The following CMPK2 variants were observed in gnomAD, a reference collection of about 807,000 sequenced individuals.
CMPK2 encodes the protein UMP-CMP kinase 2, mitochondrial.
CMPK2 carries 32 observed loss-of-function variants against 33.4 expected under a neutral mutation model. The ratio of observed to expected loss-of-function variants is 0.96; its 90% CI spans 0.72 to 1.29. CMPK2 has a LOEUF of 1.29. Ranked by LOEUF, CMPK2 falls within the 50% of genes most tolerant of loss-of-function variation. CMPK2 has a pLI of 0.00. For synonymous variants in CMPK2, 299 were observed against 275.3 expected, an observed-to-expected ratio of 1.09 and a Z score of -0.85; for missense variants, 672 against 616.0, an observed-to-expected ratio of 1.09 and a Z score of -0.96.
intron 3 of CMPK2, among the ~76,000 whole-genome samples, chr2:6,841,106 A>AC (rs1662221196): frequency 1.3e-5 from 2 of 151,940 alleles, no homozygotes; most frequent in South Asian, 4.2e-4. Flanking sequence ...TGCTTTTGAG[A>AC]CCCCTTGGGT....
At chr2:6,859,870 C>G (rs1433718460) in intron 3 of CMPK2, among the ~76,000 whole-genome samples, 1 of 152,200 alleles carries the variant, frequency 6.6e-6, no homozygotes, top group Non-Finnish European at 1.5e-5. Flanking sequence ...GGTAGATCCA[C>G]TGACAGCTTG....
chr2:6,852,570 G>A (rs1018117079), intron 3 of CMPK2, among the ~76,000 whole-genome samples: 4 of 152,052 alleles, frequency 2.6e-5, no homozygotes, highest in South Asian at 2.1e-4. Context: ...CCCTTTCTAC[G>A]TGACTCTACT....
At chr2:6,846,887 T>C (rs1032767675), downstream of CMPK2, among the ~76,000 whole-genome samples, 3 of 152,226 alleles carry the variant, frequency 2.0e-5, no homozygotes, top group African/African-American at 7.2e-5. Context: ...TGCACCAAAA[T>C]GTGTTGTAAT....
At chr2:6,857,017 T>C (rs1001039768) in intron 3 of CMPK2, among the ~76,000 whole-genome samples, 6 of 152,262 alleles carry the variant, frequency 3.9e-5, no homozygotes, top group Non-Finnish European at 4.4e-5. Flanking sequence ...CTTTGCTACA[T>C]CTTTTCAAAC....
chr2:6,845,557 T>G (rs901046953), downstream of CMPK2, among the ~76,000 whole-genome samples: 15 of 152,300 alleles, frequency 9.8e-5, no homozygotes, highest in Non-Finnish European at 2.2e-4. Flanking sequence ...GAGGAGCCAG[T>G]AGGGCAGGAC....
chr2:6,864,737 G>A (rs1171587495), intron 1 of CMPK2, among the ~76,000 whole-genome samples: 5 of 152,024 alleles, frequency 3.3e-5, no homozygotes, highest in Non-Finnish European at 7.4e-5. Context: ...CCTCACTCCC[G>A]GCAGCCCCTT....
chr2:6,852,349 GTCTC>G (rs1375423143), intron 3 of CMPK2, among the ~76,000 whole-genome samples: 1 of 152,192 alleles, frequency 6.6e-6, no homozygotes, highest in Non-Finnish European at 1.5e-5. Context: ...AGTCAAATCA[GTCTC>G]TATTTAAAAA....
downstream of CMPK2, among the ~76,000 whole-genome samples, chr2:6,845,827 C>G (rs1224931298): frequency 6.6e-6 from 1 of 152,158 alleles, no homozygotes; most frequent in Non-Finnish European, 1.5e-5. Flanking sequence ...TAAAAAATCC[C>G]ATTGTAGTTG....
rs79595472 is a variant in CMPK2 at position 6,853,290 on chromosome 2, G to A, written c.993-1607C>T. ...CTAAAATTTTGATCATTTTAGAATT[G>A]AACTCCTCTCCACAGTGAAAAGTAC... is the stretch of plus-strand genomic sequence containing the variant. On this transcript the variant is annotated intron_variant, in intron 3 of 4. Coordinates refer to ENST00000256722, the MANE Select transcript of CMPK2 (RefSeq NM_207315.4). 5.5e-3 allele frequency among the ~76,000 whole-genome samples: 834 copies of A among 152,102 alleles called. 3 individuals carry two copies. The highest frequency in any genetic ancestry group is 0.019 in the African/African-American group (782 of 41,474).
At chr2:6,862,923 G>T (rs1662925487) in intron 2 of CMPK2, among the ~76,000 whole-genome samples, 1 of 152,200 alleles carries the variant, frequency 6.6e-6, no homozygotes, top group Non-Finnish European at 1.5e-5. Flanking sequence ...TGCCCCTTTT[G>T]TACTTTGGTC....
chr2:6,841,673 G>A (rs1662238192), intron 3 of CMPK2, among the ~76,000 whole-genome samples: 1 of 150,642 alleles, frequency 6.6e-6, no homozygotes, highest in Non-Finnish European at 1.5e-5. Flanking sequence ...TTCCCTTATG[G>A]AGCCCTCCCA....
Position 6,865,036 on chromosome 2 carries a change from C to A in CMPK2, c.661G>T (p.Ala221Ser). 1.4e-6 allele frequency: 2 copies of A among 1,429,748 alleles called. No individual in the cohort carries two copies. The highest frequency in any genetic ancestry group is 3.0e-5 in the African/African-American group (2 of 66,856). The allele number at this position is 1,429,748 out of a possible 1,614,324, so 88.6% of individuals were successfully genotyped here. The change falls in exon 1 of 5, where the codon GCC becomes TCC. Residue 221 changes from alanine to serine, a missense_variant. Ala to Ser is a moderately conservative substitution (Grantham distance 99). Coordinates refer to ENST00000256722, the MANE Select transcript of CMPK2 (RefSeq NM_207315.4). Reference sequence around the variant, plus strand: ...AGAACTCTTACCTCCTCCAAAACGGCCCGGGCGGCTTCCCGGTCCGGGAAG... The same window carrying A: ...AGAACTCTTACCTCCTCCAAAACGGACCGGGCGGCTTCCCGGTCCGGGAAG... ...VVFPDREAARAVLEECTSFIP... is the reference protein window; with the variant it reads ...VVFPDREAARSVLEECTSFIP...
intron 3 of CMPK2, among the ~76,000 whole-genome samples, chr2:6,857,567 C>T (rs1193680112): frequency 6.6e-6 from 1 of 151,866 alleles, no homozygotes; most frequent in African/African-American, 2.4e-5. Context: ...CTCTTCCCAC[C>T]TCAGCCTTCC....
At chr2:6,856,097 T>C (rs1028264602) in intron 3 of CMPK2, among the ~76,000 whole-genome samples, 7 of 152,192 alleles carry the variant, frequency 4.6e-5, no homozygotes, top group African/African-American at 1.7e-4. Context: ...CTCTTTAGAA[T>C]ACTTTTTGCA....
rs750217559 is a variant in CMPK2, at chr2:6,851,690, A to G, written c.993-7T>C. ...GGCCGTGCTGTGCCAGTACCTGAGA[A>G]GGAATGGGGTAGTGAGTTCTCTGTC... On this transcript the variant is annotated splice_polypyrimidine_tract_variant and splice_region_variant and intron_variant, in intron 3 of 4. Coordinates refer to ENST00000256722, the MANE Select transcript of CMPK2 (RefSeq NM_207315.4). 1.2e-6 allele frequency: 2 copies of G among 1,613,678 alleles called. No individual in the cohort carries two copies. The highest frequency in any genetic ancestry group is 4.5e-5 in the East Asian group (2 of 44,874).
At chr2:6,860,241 A>G (rs924197545) in intron 3 of CMPK2, among the ~76,000 whole-genome samples, 1 of 152,224 alleles carries the variant, frequency 6.6e-6, no homozygotes, top group Non-Finnish European at 1.5e-5. Flanking sequence ...CTTGTCTCAG[A>G]TGAGACTTTG....
At chr2:6,864,030 C>T (rs1662969980) in intron 1 of CMPK2, among the ~76,000 whole-genome samples, 1 of 152,256 alleles carries the variant, frequency 6.6e-6, no homozygotes, top group South Asian at 2.1e-4. Flanking sequence ...GCACTGCAAT[C>T]ATGAAGCTGG....
rs770630820 is a variant in CMPK2 at position 6,865,217 on chromosome 2, G to T, written c.480C>A (p.His160Gln). The T allele has an allele frequency of 1.3e-6, 2 of 1,534,932 alleles. No individual in the cohort carries two copies. Among genetic ancestry groups the T allele is most frequent in the Admixed American group, 1.9e-5 (1 of 51,708 alleles). ...GCGGGTCGGCCTCGAACTCGCCCAA[G>T]TGCGGGCGTGGTGCCTCCTGACAGG... The part of the protein sequence containing the change: ...LGACQEAPRP[H>Q]LGEFEADPRG... Residue 160 changes from histidine (H) to glutamine (Q), a missense_variant, in exon 1 of 5, where the codon CAC (histidine) becomes CAA (glutamine). Coordinates refer to ENST00000256722, the MANE Select transcript of CMPK2 (RefSeq NM_207315.4).
At chr2:6,857,597 T>C (rs1441342782) in intron 3 of CMPK2, among the ~76,000 whole-genome samples, 1 of 150,898 alleles carries the variant, frequency 6.6e-6, no homozygotes, top group Non-Finnish European at 1.5e-5. Context: ...GGATTACAGG[T>C]GTGAGCCACT....
Sources: gnomAD v4.1 joint callset for allele counts (sites outside exome capture counted in the v4.1 genomes callset) on GRCh38, gnomAD v4.1.1 for gene constraint, MANE v1.5 for transcripts, NCBI Gene and HGNC (gene_info 2026-07-23, HGNC 2026-07-21) for gene names.